Variants in DNAH11 observed in about 807,000 individuals in gnomAD.
DNAH11 encodes dynein axonemal heavy chain 11.
In DNAH11, 442 loss-of-function variants were observed where a neutral mutation model predicts 526.0. That is an observed-to-expected ratio of 0.84 (90% CI 0.78 to 0.91). The LOEUF is 0.91. DNAH11 is among the 40% of genes least tolerant of loss of function. The probability of loss-of-function intolerance (pLI) is 0.00; values close to 1 mark genes in which losing one functional copy is unlikely to be tolerated. For synonymous variants in DNAH11, 2,461 were observed against 1,935.9 expected, an observed-to-expected ratio of 1.27 and a Z score of -7.12; for missense variants, 6,989 against 5,448.7, an observed-to-expected ratio of 1.28 and a Z score of -8.90.
At chr7:21,745,141 C>G (rs1786088734) in intron 51 of DNAH11, 78 bp downstream of exon 51, 2 of 1,405,482 alleles carry the variant, frequency 1.4e-6, no homozygotes, top group Admixed American at 4.2e-5. Flanking sequence ...TTCAATAGAT[C>G]ATACTAAGCA....
At chr7:21,570,392 T>C in intron 7 of DNAH11, 93 bp downstream of exon 7, 2 of 1,040,876 alleles carry the variant, frequency 1.9e-6, no homozygotes, top group Non-Finnish European at 1.4e-6. Context: ...TTACTTTATA[T>C]CATAGGTGGA....
At chr7:21,786,851 T>C in intron 59 of DNAH11, 84 bp downstream of exon 59, 1 of 1,531,176 alleles carries the variant, frequency 6.5e-7, no homozygotes, top group Admixed American at 1.8e-5. Flanking sequence ...TAGCAAAAGA[T>C]GTTTAAGTCA....
chr7:21,770,688 T>G (rs553166089), intron 55 of DNAH11, among the ~76,000 whole-genome samples: 1 of 152,240 alleles, frequency 6.6e-6, no homozygotes, highest in South Asian at 2.1e-4. Flanking sequence ...TGTTTGACTA[T>G]TGGGAAAGCA....
intron 68 of DNAH11, among the ~76,000 whole-genome samples, chr7:21,855,714 C>T (rs186272659): frequency 6.6e-6 from 1 of 152,128 alleles, no homozygotes; most frequent in Non-Finnish European, 1.5e-5. Flanking sequence ...ATCTGTTCAT[C>T]CGTTTTTAGA....
At chr7:21,654,922 G>C (rs1036209364) in intron 28 of DNAH11, among the ~76,000 whole-genome samples, 3 of 152,176 alleles carry the variant, frequency 2.0e-5, no homozygotes, top group African/African-American at 7.2e-5. Context: ...GATTGTTCCG[G>C]TCTGTGCTAA....
At chr7:21,747,066 G>A (rs1484114399) in intron 51 of DNAH11, among the ~76,000 whole-genome samples, 15 of 152,198 alleles carry the variant, frequency 9.9e-5, no homozygotes, top group Non-Finnish European at 1.8e-4. Flanking sequence ...ATTTCAGAGC[G>A]TGTCCTTGAG....
At chr7:21,560,385 T>G (rs1783405469) in intron 4 of DNAH11, among the ~76,000 whole-genome samples, 1 of 152,132 alleles carries the variant, frequency 6.6e-6, no homozygotes, top group African/African-American at 2.4e-5. Context: ...CAAGGTAAAA[T>G]TCTACAATAG....
At chr7:21,551,334 T>A (rs947709583) in intron 2 of DNAH11, among the ~76,000 whole-genome samples, 1 of 152,194 alleles carries the variant, frequency 6.6e-6, no homozygotes, top group African/African-American at 2.4e-5. Context: ...TTCTATAGTG[T>A]TCCCTTTTTG....
In DNAH11 at chr7:21,543,167, G is replaced by T. The variant is rs1782649606; in HGVS notation, c.-79G>T. 1.5e-5 allele frequency: 21 copies of T among 1,441,408 alleles called. No individual in the cohort carries two copies. The highest frequency in any genetic ancestry group is 1.9e-5 in the Non-Finnish European group (21 of 1,104,280). 89.3% of individuals were successfully genotyped at this position (1,441,408 alleles called of 1,614,324 possible). On this transcript the variant is annotated 5_prime_UTR_variant, in exon 1 of 82. Transcript: ENST00000409508. The stretch of plus-strand genomic sequence containing the variant: ...CGGAGGAGGGTGGGCGCCTGCGGAG[G>T]TGTCCTCGCTCACTTCGGGGGGCCC...
intron 28 of DNAH11, among the ~76,000 whole-genome samples, chr7:21,647,507 G>C (rs1387688035): frequency 1.4e-5 from 2 of 140,574 alleles, no homozygotes; most frequent in Non-Finnish European, 3.0e-5. Context: ...TCGGCTCACT[G>C]CAGGCTCCGC....
intron 54 of DNAH11, among the ~76,000 whole-genome samples, chr7:21,763,807 CATAT>C (rs974148216): frequency 6.7e-6 from 1 of 148,528 alleles, no homozygotes; most frequent in Non-Finnish European, 1.5e-5. Flanking sequence ...TATACATATA[CATAT>C]ACATATATAT....
intron 34 of DNAH11, 29 bp downstream of exon 34, chr7:21,687,556 AC>A: frequency 3.1e-6 from 5 of 1,605,400 alleles, no homozygotes; most frequent in Non-Finnish European, 4.3e-6. Context: ...ATCTCTTGTT[AC>A]AAATAGAAAA....
intron 46 of DNAH11, 68 bp from the exon 47 acceptor site, chr7:21,738,633 A>G (rs1785726020): frequency 6.9e-7 from 1 of 1,454,252 alleles, no homozygotes; most frequent in South Asian, 1.3e-5. Flanking sequence ...GTTAAGAACA[A>G]GAGAAAAATG....
At position 21,725,910 on chromosome 7, in the gene DNAH11, C is replaced by G. The variant is rs1400771390; in HGVS notation, c.7366C>G (p.His2456Asp). Residue 2456 changes from histidine to aspartate, a missense_variant, in exon 45 of 82, where the codon CAC becomes GAC. By Grantham distance (81) the His-to-Asp change is moderately conservative (BLOSUM62 -1). Coordinates refer to ENST00000409508, the MANE Select transcript of DNAH11 (RefSeq NM_001277115.2). Reference protein sequence around the residue: ...QGTIFDYYVDHKTKKLLPWAD... With the variant: ...QGTIFDYYVDDKTKKLLPWAD... ...AACAATCTTTGATTATTATGTGGAC[C>G]ACAAAACTAAGAAATTATTGCCCTG... 6.3e-7 allele frequency: 1 copy of G among 1,587,712 alleles called. No homozygotes were observed. The highest frequency in any genetic ancestry group is 1.8e-5 in the Admixed American group (1 of 55,882).
intron 45 of DNAH11, among the ~76,000 whole-genome samples, chr7:21,733,679 TTTAA>T (rs1785485741): frequency 6.6e-6 from 1 of 152,116 alleles, no homozygotes; most frequent in Non-Finnish European, 1.5e-5. Context: ...AATGTGATTA[TTTAA>T]TTAACAGCAT....
intron 62 of DNAH11, 50 bp downstream of exon 62, chr7:21,801,325 GT>G (rs1562554569): frequency 6.2e-7 from 1 of 1,600,540 alleles, no homozygotes; most frequent in Admixed American, 1.7e-5. Flanking sequence ...AGATCAGCTT[GT>G]GGGGATTTTA....
chr7:21,717,786 G>T lies in DNAH11; in HGVS notation c.6995G>T (p.Ser2332Ile). 6.2e-7 allele frequency: 1 copy of T among 1,613,790 alleles called. No individual in the cohort carries two copies. Among genetic ancestry groups the T allele is most frequent in the East Asian group, 2.2e-5 (1 of 44,878 alleles). The change falls in exon 43 of 82, where the codon AGT (serine) becomes ATT (isoleucine). Residue 2332 changes from serine to isoleucine, a missense_variant. Physicochemically the swap from Ser to Ile is moderately radical, Grantham distance 142. Coordinates refer to ENST00000409508, the MANE Select transcript of DNAH11 (RefSeq NM_001277115.2). The stretch of plus-strand genomic sequence containing the variant: ...GTGTTCCTTTTCAGGTATGTGGCCA[G>T]TTGGATAGACAGAAGGCGGCATCAA... The part of the protein sequence containing the change: ...QDLGWNPYVA[S>I]WIDRRRHQSE...
At chr7:21,594,202 T>A (rs914065255) in intron 14 of DNAH11, among the ~76,000 whole-genome samples, 4 of 152,126 alleles carry the variant, frequency 2.6e-5, no homozygotes, top group African/African-American at 9.7e-5. Context: ...TTTTCTCATG[T>A]GTAAAATGAA....
chr7:21,720,173 C>A (rs1784820860), intron 43 of DNAH11, among the ~76,000 whole-genome samples: 1 of 152,206 alleles, frequency 6.6e-6, no homozygotes, highest in Non-Finnish European at 1.5e-5. Context: ...GTCCAACATT[C>A]TAAATTTATG....
Sources: allele counts gnomAD v4.1 joint callset (sites outside exome capture counted in the v4.1 genomes callset), GRCh38; gene constraint gnomAD v4.1.1; transcripts MANE v1.5; gene names NCBI Gene and HGNC (gene_info 2026-07-23, HGNC 2026-07-21).